The following SLITRK2 variants were observed in gnomAD, a reference collection of about 807,000 sequenced individuals.
SLITRK2 encodes the protein SLIT and NTRK like family member 2, also known as SLIT and NTRK-like protein 2.
A neutral mutation model predicts 35.4 loss-of-function variants in SLITRK2; 13 were observed. The ratio of observed to expected loss-of-function variants is 0.37; its 90% CI spans 0.24 to 0.58. The LOEUF is 0.58. SLITRK2 is among the 20% of genes least tolerant of loss of function. The pLI, the probability that SLITRK2 is intolerant of heterozygous loss-of-function variation, is 0.75. For missense variants in SLITRK2, 471 were observed against 634.3 expected, an observed-to-expected ratio of 0.74 and a Z score of 2.76; for synonymous variants, 294 against 264.7, an observed-to-expected ratio of 1.11 and a Z score of -1.07.
rs1459964275 is a variant in SLITRK2, at chrX:145,818,026, G to A, written c.-793G>A. Reference sequence around the variant, plus strand: ...AAAGATCTGGGCGGCGCGCTCGCTCGGTAAGTTCTGAGCACTCAGGGACGC... The same window carrying A: ...AAAGATCTGGGCGGCGCGCTCGCTCAGTAAGTTCTGAGCACTCAGGGACGC... On this transcript the variant is annotated splice_region_variant and 5_prime_UTR_variant, in exon 1 of 5. Coordinates refer to ENST00000335565, the MANE Select transcript of SLITRK2 (RefSeq NM_032539.5). 9.0e-6 allele frequency: 1 copy of A among 110,652 alleles called. No individual in the cohort carries two copies. Among genetic ancestry groups the A allele is most frequent in the Non-Finnish European group, 1.9e-5 (1 of 52,743 alleles). The allele number at this position is 110,652 out of a possible 1,213,427, so 9.1% of individuals were successfully genotyped here. A position where few individuals can be genotyped will look rare whatever the true frequency, so the allele number is the denominator to read the frequency against.
rs1556942117 is a variant in SLITRK2, at chrX:145,818,012, C to T, written c.-807C>T. On this transcript the variant is annotated 5_prime_UTR_variant, in exon 1 of 5. Coordinates refer to ENST00000335565, the MANE Select transcript of SLITRK2 (RefSeq NM_032539.5). Reference sequence around the variant, plus strand: ...GGGCGCCTCCGGGAAAAGATCTGGGCGGCGCGCTCGCTCGGTAAGTTCTGA... The same window carrying T: ...GGGCGCCTCCGGGAAAAGATCTGGGTGGCGCGCTCGCTCGGTAAGTTCTGA... 9.1e-6 allele frequency: 1 copy of T among 110,398 alleles called. No individual in the cohort carries two copies. The highest frequency in any genetic ancestry group is 3.3e-5 in the African/African-American group (1 of 30,292). 9.1% of individuals were successfully genotyped at this position (110,398 alleles called of 1,213,427 possible). A position where few individuals can be genotyped will look rare whatever the true frequency, so the allele number is the denominator to read the frequency against.
rs2124177835 is a variant in SLITRK2 at position 145,823,549 on chromosome X, C to A, written c.1124C>A (p.Thr375Asn). The A allele has an allele frequency of 8.3e-7, 1 of 1,211,538 alleles. No homozygotes were observed. Among genetic ancestry groups the A allele is most frequent in the Non-Finnish European group, 1.1e-6 (1 of 895,216 alleles). The stretch of plus-strand genomic sequence containing the variant: ...ATCTCTGACCTGCAGCCCAAACCGA[C>A]CAGTCCAAAGAAACTCTACCTAACA... ...TNISDLQPKP[T>N]SPKKLYLTGN... The change falls in exon 5 of 5, where the codon ACC becomes AAC. Residue 375 changes from threonine (T) to asparagine (N), a missense_variant. By Grantham distance (65) the Thr-to-Asn change is moderately conservative. Transcript: ENST00000335565.
rs5904151 is a variant in SLITRK2 at position 145,825,169 on chromosome X, C to CTTTTTTTTTTTTTTT, written c.*214_*228dup. 2 of 162,321 alleles carry CTTTTTTTTTTTTTTT rather than the reference C, an allele frequency of 1.2e-5. No homozygotes were observed. Among genetic ancestry groups the CTTTTTTTTTTTTTTT allele is most frequent in the Admixed American group, 1.2e-4 (1 of 8,216 alleles). The allele number at this position is 162,321 out of a possible 1,213,427, so 13.4% of individuals were successfully genotyped here. A position where few individuals can be genotyped will look rare whatever the true frequency, so the allele number is the denominator to read the frequency against. On this transcript the variant is annotated 3_prime_UTR_variant, in exon 5 of 5. Coordinates refer to ENST00000335565, the MANE Select transcript of SLITRK2 (RefSeq NM_032539.5). ...ATTTCTCTCTCGCTCTCCTCCCCTC[C>CTTTTTTTTTTTTTTT]TTTTTTTTTTTTTTTTTTTTTTCTT...
intron 1 of SLITRK2, chrX:145,818,568 G>C (rs1006855753): frequency 6.2e-5 from 7 of 112,699 alleles, no homozygotes; most frequent in African/African-American, 2.3e-4. Flanking sequence ...AAGAGGCTGC[G>C]GGCAAGCAGT....
intron 1 of SLITRK2, chrX:145,818,322 G>T (rs1183164341): frequency 1.8e-5 from 2 of 112,927 alleles, no homozygotes; most frequent in South Asian, 7.3e-4. Context: ...GCCTCCGGTC[G>T]GCCTGCAGTG....
intron 4 of SLITRK2, 115 bp downstream of exon 4, chrX:145,822,268 C>A: frequency 2.2e-6 from 1 of 453,411 alleles, no homozygotes; most frequent in Non-Finnish European, 3.8e-6. Flanking sequence ...TGCCGTGTTG[C>A]TAACCCCCTC....
In SLITRK2 at chrX:145,827,190, A is replaced by G. The variant is rs1474112045; in HGVS notation, c.*2227A>G. 8.9e-6 allele frequency: 1 copy of G among 112,092 alleles called. No homozygotes were observed. Among genetic ancestry groups the G allele is most frequent in the East Asian group, 2.8e-4 (1 of 3,570 alleles). The allele number at this position is 112,092 out of a possible 1,213,427, so 9.2% of individuals were successfully genotyped here. ...GGAACTAGAATATTATGCTAGTTGA[A>G]TGTGGAGAAGACTCCTGGAAACCAC... On this transcript the variant is annotated 3_prime_UTR_variant, in exon 5 of 5. Coordinates refer to ENST00000335565, the MANE Select transcript of SLITRK2 (RefSeq NM_032539.5).
chrX:145,818,189 C>G (rs1430928705), intron 1 of SLITRK2, 163 bp downstream of exon 1: 1 of 112,608 alleles, frequency 8.9e-6, no homozygotes, highest in Admixed American at 9.3e-5. Flanking sequence ...CCTCTACCCT[C>G]AATCCCCACT....
intron 1 of SLITRK2, chrX:145,819,848 G>A (rs1186376579): frequency 9.0e-6 from 1 of 111,671 alleles, no homozygotes; most frequent in African/African-American, 3.3e-5. Context: ...AGAGGGTAAG[G>A]GGGCTTCTGA....
intron 1 of SLITRK2, chrX:145,818,653 T>TA (rs1172782599): frequency 8.9e-6 from 1 of 112,703 alleles, no homozygotes; most frequent in Non-Finnish European, 1.9e-5. Context: ...AGGTGGGCTG[T>TA]AAGCCCGCCG....
intron 1 of SLITRK2, chrX:145,818,998 C>G (rs781903324): frequency 1.3e-4 from 15 of 111,551 alleles, no homozygotes; most frequent in Non-Finnish European, 2.6e-4. Flanking sequence ...TGTGGACTCT[C>G]AAGGACAGGC....
chrX:145,819,987 G>T (rs1556942653), intron 1 of SLITRK2: 1 of 111,983 alleles, frequency 8.9e-6, no homozygotes, highest in East Asian at 2.8e-4. Context: ...CCTTCCCGGA[G>T]AGAAAGGAGC....
In SLITRK2 at chrX:145,824,645, T is replaced by C. The variant is rs781811904; in HGVS notation, c.2220T>C (p.Thr740=). The C allele has an allele frequency of 2.2e-5, 27 of 1,211,475 alleles. No individual in the cohort carries two copies. The Admixed American group carries it at 4.6e-4, about 20-fold the overall frequency. ...CACCTGCTTACACAATAAGTGCCAC[T>C]GAGCTGCTAGAAAAGCAGGCCACAC... ...PATPAYTISA[T]ELLEKQATPR... Residue 740 remains threonine, a synonymous_variant, in exon 5 of 5, where the codon ACT becomes ACC. Transcript: ENST00000335565.
At chrX:145,818,913 C>A (rs1556942368) in intron 1 of SLITRK2, 1 of 112,259 alleles carries the variant, frequency 8.9e-6, no homozygotes, top group Non-Finnish European at 1.9e-5. Context: ...GACACGGGGC[C>A]AAATGAAACT....
At position 145,827,223 on chromosome X, in the gene SLITRK2, T is replaced by C. The variant is rs2073134712; in HGVS notation, c.*2260T>C. Reference sequence around the variant, plus strand: ...AAGACTCCTGGAAACCACTTCATCTTTGAGTGAAGTATTTATATATAAAAG... The same window carrying C: ...AAGACTCCTGGAAACCACTTCATCTCTGAGTGAAGTATTTATATATAAAAG... On this transcript the variant is annotated 3_prime_UTR_variant, in exon 5 of 5. Transcript: ENST00000335565. The C allele has an allele frequency of 3.6e-5, 4 of 112,222 alleles. No homozygotes were observed. The allele number at this position is 112,222 out of a possible 1,213,427, so 9.2% of individuals were successfully genotyped here. A position where few individuals can be genotyped will look rare whatever the true frequency, so the allele number is the denominator to read the frequency against.
Position 145,829,268 on chromosome X carries a change from C to A in SLITRK2, c.*4305C>A, listed in dbSNP as rs1193482551. 3 of 123,869 alleles carry A rather than the reference C, an allele frequency of 2.4e-5. No homozygotes were observed. Among genetic ancestry groups the A allele is most frequent in the Non-Finnish European group, 5.6e-5 (3 of 53,448 alleles). The allele number at this position is 123,869 out of a possible 1,213,427, so 10.2% of individuals were successfully genotyped here. The stretch of plus-strand genomic sequence containing the variant: ...TTTAGAGGAAACTTGTGAATTCTTT[C>A]ATAAAGCAGAAAACCATTTTATAAT... On this transcript the variant is annotated 3_prime_UTR_variant, in exon 5 of 5. Coordinates refer to ENST00000335565, the MANE Select transcript of SLITRK2 (RefSeq NM_032539.5).
Position 145,823,398 on chromosome X carries a change from G to T in SLITRK2, c.973G>T (p.Gly325Ter), listed in dbSNP as rs201114630. The T allele has an allele frequency of 8.3e-7, 1 of 1,209,754 alleles. No individual in the cohort carries two copies. Residue 325 changes from glycine (G) to a stop codon, truncating the protein, a stop_gained, in exon 5 of 5, where the codon GGA (glycine) becomes TGA (stop). Coordinates refer to ENST00000335565, the MANE Select transcript of SLITRK2 (RefSeq NM_032539.5). LOFTEE classifies it high-confidence loss of function. ...VTVSKDRQSF[G>*]PIMVYQTKSP... ...TGTGTCAAAGGACAGGCAAAGTTTT[G>T]GACCCATCATGGTGTACCAGACCAA...
rs1442619722 is a variant in SLITRK2 at position 145,827,786 on chromosome X, C to T, written c.*2823C>T. 2.5e-6 allele frequency: 3 copies of T among 1,210,045 alleles called. No individual in the cohort carries two copies. The highest frequency in any genetic ancestry group is 5.9e-5 in the East Asian group (2 of 33,774). On this transcript the variant is annotated 3_prime_UTR_variant, in exon 5 of 5. Coordinates refer to ENST00000335565, the MANE Select transcript of SLITRK2 (RefSeq NM_032539.5). Reference sequence around the variant, plus strand: ...AAGTTTTATTAACTCACTAGCATCCCCACTGACTATATTCTGTTTTGCTTT... The same window carrying T: ...AAGTTTTATTAACTCACTAGCATCCTCACTGACTATATTCTGTTTTGCTTT...
chrX:145,823,939 A>G lies in SLITRK2; in HGVS notation c.1514A>G (p.His505Arg). Residue 505 changes from histidine (H) to arginine (R), a missense_variant, in exon 5 of 5, where the codon CAT (histidine) becomes CGT (arginine). His to Arg is a conservative substitution (Grantham distance 29). Around this residue, in one of 7 missense-constraint regions of SLITRK2, gnomAD observed 92 missense variants for 184.2 expected, o/e 0.50. Transcript: ENST00000335565. ...ALTRLNLRNN[H>R]FSHLPVKGVL... ...ACCAGGCTGAATCTGAGAAACAACCATTTTTCTCACCTGCCCGTGAAAGGG... is the reference window on the plus strand; with the variant it reads ...ACCAGGCTGAATCTGAGAAACAACCGTTTTTCTCACCTGCCCGTGAAAGGG... 1 of 1,210,373 alleles carries G rather than the reference A, an allele frequency of 8.3e-7. No homozygotes were observed. Among genetic ancestry groups the G allele is most frequent in the Non-Finnish European group, 1.1e-6 (1 of 895,025 alleles).
Sources: allele counts gnomAD v4.1 joint callset, GRCh38; gene constraint gnomAD v4.1.1; regional missense constraint gnomAD v4.1.1; transcripts MANE v1.5; gene names NCBI Gene and HGNC (gene_info 2026-07-23, HGNC 2026-07-21).